Variants in ANKHD1 observed in about 807,000 individuals in gnomAD.
The protein encoded by ANKHD1 is ankyrin repeat and KH domain containing 1.
ANKHD1 carries 31 observed loss-of-function variants against 230.5 expected under a neutral mutation model. That is an observed-to-expected ratio of 0.13 (90% CI 0.10 to 0.18). The LOEUF (loss-of-function observed/expected upper bound fraction) is 0.18. Ranked by LOEUF, ANKHD1 falls within the 10% of genes least tolerant of loss-of-function variation. The pLI, the probability that ANKHD1 is intolerant of heterozygous loss-of-function variation, is 1.00. For synonymous variants in ANKHD1, 1,074 were observed against 1,117.6 expected (o/e 0.96, Z 0.78); for missense variants, 2,256 against 3,071.3 (o/e 0.73, Z 6.27).
intron 1 of ANKHD1, among the ~76,000 whole-genome samples, chr5:140,428,062 A>C (rs1162855777): frequency 6.6e-6 from 1 of 151,410 alleles, no homozygotes; most frequent in Non-Finnish European, 1.5e-5. Context: ...GACGCTCCTC[A>C]CTTCCTAGAT....
intron 5 of ANKHD1, among the ~76,000 whole-genome samples, chr5:140,443,104 A>G (rs1773990997): frequency 6.6e-6 from 1 of 151,626 alleles, no homozygotes; most frequent in African/African-American, 2.4e-5. Flanking sequence ...ACGGGGTTTC[A>G]CCGTGTTAGC....
At chr5:140,479,273 C>T (rs1751136550) in intron 10 of ANKHD1, among the ~76,000 whole-genome samples, 1 of 152,086 alleles carries the variant, frequency 6.6e-6, no homozygotes, top group African/African-American at 2.4e-5. Flanking sequence ...GCTGGGATTA[C>T]AGGCATTAGC....
intron 1 of ANKHD1, among the ~76,000 whole-genome samples, chr5:140,432,401 T>C (rs1455813302): frequency 1.3e-5 from 2 of 152,250 alleles, no homozygotes; most frequent in Non-Finnish European, 2.9e-5. Context: ...CTATATCATG[T>C]ATTTCTTCCT....
At chr5:140,411,634 C>T (rs1406554986) in intron 1 of ANKHD1, among the ~76,000 whole-genome samples, 1 of 151,598 alleles carries the variant, frequency 6.6e-6, no homozygotes, top group Non-Finnish European at 1.5e-5. Flanking sequence ...ATTCTCCTGC[C>T]TCAGCCTCCT....
chr5:140,419,871 C>G (rs575608809), intron 1 of ANKHD1, among the ~76,000 whole-genome samples: 25 of 99,502 alleles, frequency 2.5e-4, no homozygotes, highest in African/African-American at 9.8e-4. Context: ...TCTTTTCTTT[C>G]TTTCTTCTTC....
intron 10 of ANKHD1, 100 bp from the exon 11 acceptor site, chr5:140,482,480 A>G: frequency 7.5e-7 from 1 of 1,325,850 alleles, no homozygotes; most frequent in Non-Finnish European, 1.0e-6. Context: ...ATGAGTAAGT[A>G]TATTAAATCC....
chr5:140,507,659 A>G lies in ANKHD1; in HGVS notation c.3552-126A>G. 1 of 1,175,284 alleles carries G rather than the reference A, an allele frequency of 8.5e-7. No individual in the cohort carries two copies. Among genetic ancestry groups the G allele is most frequent in the East Asian group, 2.5e-5 (1 of 39,250 alleles). 72.8% of individuals were successfully genotyped at this position (1,175,284 alleles called of 1,614,324 possible). A position where few individuals can be genotyped will look rare whatever the true frequency, so the allele number is the denominator to read the frequency against. On this transcript the variant is annotated intron_variant, in intron 19 of 33. Coordinates refer to ENST00000360839, the MANE Select transcript of ANKHD1 (RefSeq NM_017747.3). The surrounding 1 kb of genome is among the most constrained non-coding windows in gnomAD (Gnocchi z 4.1). ...TTCTTATTCTTTATTATTGGTCGAA[A>G]CAAGTAAAATCTATTCATTGATGTT...
chr5:140,528,971 T>C lies in ANKHD1; in HGVS notation c.6025T>C (p.Ser2009Pro), dbSNP rs1248892491. The change falls in exon 29 of 34, where the codon TCT becomes CCT. Residue 2009 changes from serine to proline, a missense_variant. Around this residue, in one of 13 missense-constraint regions of ANKHD1, gnomAD observed 778 missense variants for 966.5 expected, o/e 0.80. Transcript: ENST00000360839. ...APTTFLPAST[S>P]QAQLSSQKME... ...CACCACATTTCTACCTGCAAGTACT[T>C]CTCAAGCACAGCTTTCTTCACAAAA... The C allele has an allele frequency of 6.2e-7, 1 of 1,614,200 alleles. No homozygotes were observed. Among genetic ancestry groups the C allele is most frequent in the East Asian group, 2.2e-5 (1 of 44,888 alleles).
At chr5:140,491,160 ATT>A (rs1222038703) in intron 14 of ANKHD1, among the ~76,000 whole-genome samples, 8 of 45,656 alleles carry the variant, frequency 1.8e-4, no homozygotes, top group South Asian at 2.3e-3. Flanking sequence ...ATATATATAT[ATT>A]TTTTTTTTTT....
intron 22 of ANKHD1, among the ~76,000 whole-genome samples, chr5:140,512,389 G>A (rs966574601): frequency 6.6e-6 from 1 of 152,128 alleles, no homozygotes; most frequent in Non-Finnish European, 1.5e-5. Flanking sequence ...TAGAGGCAAA[G>A]TAAGACTTTG....
intron 1 of ANKHD1, among the ~76,000 whole-genome samples, chr5:140,431,760 C>G (rs143416520): frequency 6.6e-6 from 1 of 152,110 alleles, no homozygotes; most frequent in African/African-American, 2.4e-5. Flanking sequence ...CACTGTAAGA[C>G]GTAGAATTAA....
chr5:140,470,611 CTTTTTTTTTTTTT>C (rs386405120), intron 10 of ANKHD1, among the ~76,000 whole-genome samples: 1 of 71,770 alleles, frequency 1.4e-5, no homozygotes, highest in African/African-American at 5.2e-5. Flanking sequence ...CTTGTTTCTG[CTTTTTTTTTTTTT>C]TTTTTTTTTT....
At position 140,506,788 on chromosome 5, in the gene ANKHD1, G is replaced by T; in HGVS notation, c.3409-47G>T. The T allele has an allele frequency of 6.2e-7, 1 of 1,600,676 alleles. No homozygotes were observed. Among genetic ancestry groups the T allele is most frequent in the Non-Finnish European group, 8.5e-7 (1 of 1,176,882 alleles). Reference sequence around the variant, plus strand: ...CTTTGTGTTTCCTTCATTATAAGTTGAGCCCTTGGTGTAAACTCTCTTCTC... The same window carrying T: ...CTTTGTGTTTCCTTCATTATAAGTTTAGCCCTTGGTGTAAACTCTCTTCTC... On this transcript the variant is annotated intron_variant, in intron 18 of 33. Coordinates refer to ENST00000360839, the MANE Select transcript of ANKHD1 (RefSeq NM_017747.3). The surrounding 1 kb of genome is among the most constrained non-coding windows in gnomAD (Gnocchi z 4.7).
chr5:140,421,853 A>G (rs1415590002), intron 1 of ANKHD1, among the ~76,000 whole-genome samples: 1 of 152,202 alleles, frequency 6.6e-6, no homozygotes, highest in East Asian at 1.9e-4. Context: ...TGAAGAGACC[A>G]TTATTTGAGG....
At chr5:140,490,408 C>T (rs1487549724) in intron 14 of ANKHD1, among the ~76,000 whole-genome samples, 2 of 152,166 alleles carry the variant, frequency 1.3e-5, no homozygotes, top group Non-Finnish European at 2.9e-5. Flanking sequence ...ACCATTTGTA[C>T]AGGCTCCGTC....
chr5:140,444,795 C>A (rs1169720625), intron 5 of ANKHD1, among the ~76,000 whole-genome samples: 2 of 152,168 alleles, frequency 1.3e-5, no homozygotes, highest in Middle Eastern at 3.2e-3. Context: ...ACAGAAAGAT[C>A]TCTATGCCCA....
chr5:140,413,517 A>C (rs1054983091), intron 1 of ANKHD1, among the ~76,000 whole-genome samples: 1 of 151,840 alleles, frequency 6.6e-6, no homozygotes, highest in Non-Finnish European at 1.5e-5. Context: ...CCTTCCCCCA[A>C]CCCCTAGCAA....
chr5:140,442,196 C>T (rs1240170489), intron 5 of ANKHD1, among the ~76,000 whole-genome samples: 1 of 151,806 alleles, frequency 6.6e-6, no homozygotes. Context: ...AGTACCACCA[C>T]TCCCGGCTAA....
intron 10 of ANKHD1, among the ~76,000 whole-genome samples, chr5:140,478,390 C>A (rs1581315161): frequency 1.4e-5 from 2 of 145,350 alleles, no homozygotes; most frequent in African/African-American, 2.5e-5. Flanking sequence ...GGGGAAAAGG[C>A]ACAGATAACA....
Sources: gnomAD v4.1 joint callset for allele counts (sites outside exome capture counted in the v4.1 genomes callset) on GRCh38, gnomAD v4.1.1 for gene constraint, gnomAD v4.1.1 regional missense constraint, Gnocchi (gnomAD v3.1) non-coding constraint, MANE v1.5 for transcripts, NCBI Gene and HGNC (gene_info 2026-07-23, HGNC 2026-07-21) for gene names.